GALNTL6: variants seen among roughly 807,000 people sequenced by gnomAD.
GALNTL6 encodes polypeptide N-acetylgalactosaminyltransferase-like 6.
Under a neutral mutation model 73.7 loss-of-function variants are expected in GALNTL6, and 46 were observed. The observed-to-expected ratio is 0.62, with a 90% CI of 0.49 to 0.80. The LOEUF (loss-of-function observed/expected upper bound fraction) is 0.80. Among genes scored for constraint, GALNTL6 ranks in the 30% least tolerant of loss-of-function variants. The pLI, the probability that GALNTL6 is intolerant of heterozygous loss-of-function variation, is 0.00. For missense variants in GALNTL6, 604 were observed against 755.0 expected, an observed-to-expected ratio of 0.80 and a Z score of 2.34; for synonymous variants, 259 against 263.7, an observed-to-expected ratio of 0.98 and a Z score of 0.17.
rs561278112 is a variant in GALNTL6 at position 172,854,025 on chromosome 4, C to G, written c.924-28765C>G. On this transcript the variant is annotated intron_variant, in intron 7 of 12. Transcript: ENST00000506823. Reference sequence around the variant, plus strand: ...CCAGGCATTCAAGATCCAATGTAATCTGGCCCAAATTTTCCTTCCTAGATG... The same window carrying G: ...CCAGGCATTCAAGATCCAATGTAATGTGGCCCAAATTTTCCTTCCTAGATG... 6.6e-5 allele frequency among the ~76,000 whole-genome samples: 10 copies of G among 152,286 alleles called. No homozygotes were observed. The South Asian group carries it at 2.1e-3, about 32-fold the overall frequency.
intron 7 of GALNTL6, among the ~76,000 whole-genome samples, chr4:172,881,441 G>A (rs1745444708): frequency 6.6e-6 from 1 of 152,094 alleles, no homozygotes; most frequent in Non-Finnish European, 1.5e-5. Flanking sequence ...CTCTTCATCT[G>A]CATAAAGCCT....
rs543217857 is a variant in GALNTL6, at chr4:172,749,518, G to T, written c.554-59843G>T. Among the ~76,000 whole-genome samples the T allele has an allele frequency of 2.7e-4, 41 of 151,846 alleles. 1 individual carries two copies. In the South Asian group the frequency reaches 8.3e-3, roughly 31 times the overall value. On this transcript the variant is annotated intron_variant, in intron 5 of 12. Coordinates refer to ENST00000506823, the MANE Select transcript of GALNTL6 (RefSeq NM_001034845.3). ...AATGTATTTCTGAGCATTCAATTTG[G>T]TTTTCACAATTCTACAAATGACACA...
At chr4:172,348,450 A>G (rs1467861415) in intron 4 of GALNTL6, 73 bp from the exon 5 acceptor site, 1 of 1,217,284 alleles carries the variant, frequency 8.2e-7, no homozygotes, top group Non-Finnish European at 1.2e-6. Flanking sequence ...TGATAACATA[A>G]TGAATAAACA....
rs571101402 is a variant in GALNTL6, at chr4:173,028,033, G to A, written c.1638+6408G>A. On this transcript the variant is annotated intron_variant, in intron 12 of 12. Coordinates refer to ENST00000506823, the MANE Select transcript of GALNTL6 (RefSeq NM_001034845.3). ...ACTAAGAAAAATCTTAAAAACTATAGAGGGATCCATCATGTTCAAGGATTA... is the reference window on the plus strand; with the variant it reads ...ACTAAGAAAAATCTTAAAAACTATAAAGGGATCCATCATGTTCAAGGATTA... 1.2e-4 allele frequency among the ~76,000 whole-genome samples: 18 copies of A among 152,252 alleles called. No individual in the cohort carries two copies. In the South Asian group the frequency reaches 3.7e-3, roughly 32 times the overall value.
chr4:172,164,620 T>G lies in GALNTL6; in HGVS notation c.139-65036T>G, dbSNP rs1579201949. On this transcript the variant is annotated intron_variant, in intron 2 of 12. Transcript: ENST00000506823. Reference sequence around the variant, plus strand: ...TTATTACTATACTAATAATAGATTTTTTCTCGTTTGATCCTCAGTCCCCTG... The same window carrying G: ...TTATTACTATACTAATAATAGATTTGTTCTCGTTTGATCCTCAGTCCCCTG... Among the ~76,000 whole-genome samples the G allele has an allele frequency of 2.0e-5, 3 of 152,144 alleles. No individual in the cohort carries two copies. In the East Asian group the frequency reaches 5.8e-4, roughly 29 times the overall value.
intron 5 of GALNTL6, chr4:172,667,243 A>C (rs1455333637): frequency 6.6e-6 from 1 of 152,072 alleles, no homozygotes; most frequent in African/African-American, 2.4e-5. Context: ...CCTCCCTTCT[A>C]CTGGCTCCAT....
intron 7 of GALNTL6, among the ~76,000 whole-genome samples, chr4:172,878,678 A>T (rs551547613): frequency 1.3e-5 from 2 of 151,838 alleles, no homozygotes; most frequent in Non-Finnish European, 3.0e-5. Context: ...AATTATGAAA[A>T]ATATTCGGTT....
chr4:173,033,020 A>C (rs1402437003), intron 12 of GALNTL6, among the ~76,000 whole-genome samples: 1 of 151,650 alleles, frequency 6.6e-6, no homozygotes, highest in Non-Finnish European at 1.5e-5. Context: ...TTTTTTTTTG[A>C]GACGGAGTCT....
rs528377476 is a variant in GALNTL6 at position 172,976,004 on chromosome 4, C to T, written c.1371+23746C>T. Among the ~76,000 whole-genome samples the T allele has an allele frequency of 1.9e-3, 286 of 152,142 alleles. 1 individual carries two copies. The highest frequency in any genetic ancestry group is 6.4e-3 in the African/African-American group (267 of 41,542). On this transcript the variant is annotated intron_variant, in intron 10 of 12. Transcript: ENST00000506823. ...AGCTGCGCCAGGGAGGTCGGAGCTC[C>T]GCCCGCTTAACTCGGAAGGGGGCGG...
rs151046727 is a variant in GALNTL6, at chr4:172,686,545, A to G, written c.554-122816A>G. Among the ~76,000 whole-genome samples, 516 of 152,374 alleles carry G rather than the reference A, an allele frequency of 3.4e-3. 2 individuals are homozygous for G. Among genetic ancestry groups the G allele is most frequent in the African/African-American group, 0.011 (473 of 41,592 alleles). ...ACTTATATGATTCTATTCATAAAAC[A>G]GTATGTACAAGCAAATTTCCATGCA... On this transcript the variant is annotated intron_variant, in intron 5 of 12. Coordinates refer to ENST00000506823, the MANE Select transcript of GALNTL6 (RefSeq NM_001034845.3).
At chr4:172,657,485 C>T (rs1298214023) in intron 5 of GALNTL6, among the ~76,000 whole-genome samples, 1 of 152,172 alleles carries the variant, frequency 6.6e-6, no homozygotes. Flanking sequence ...TTTTGAAAGG[C>T]ATAGTGAAAA....
intron 2 of GALNTL6, among the ~76,000 whole-genome samples, chr4:172,213,562 T>A (rs1359714103): frequency 1.3e-5 from 2 of 152,202 alleles, no homozygotes; most frequent in Non-Finnish European, 2.9e-5. Context: ...TTGTATATCT[T>A]CTTTGATGAG....
intron 2 of GALNTL6, among the ~76,000 whole-genome samples, chr4:171,852,472 A>G (rs1479637231): frequency 6.6e-6 from 1 of 151,862 alleles, no homozygotes; most frequent in Non-Finnish European, 1.5e-5. Flanking sequence ...ATAAAATACC[A>G]TTTGCTATTC....
At chr4:172,585,950 C>T (rs901682157) in intron 5 of GALNTL6, among the ~76,000 whole-genome samples, 2 of 152,000 alleles carry the variant, frequency 1.3e-5, no homozygotes, top group Admixed American at 6.5e-5. Context: ...CAAATCAAAA[C>T]GACAATGAGA....
chr4:172,571,556 A>G (rs1393301271), intron 5 of GALNTL6, among the ~76,000 whole-genome samples: 2 of 152,234 alleles, frequency 1.3e-5, no homozygotes, highest in Non-Finnish European at 2.9e-5. Flanking sequence ...TATCGAACGT[A>G]TCAGAGGAAT....
rs115430798 is a variant in GALNTL6, at chr4:172,051,014, A to C, written c.139-178642A>C. Reference sequence around the variant, plus strand: ...GGAATTTGTAACAAGGCACCTCATAAGTTTCCTCCTGAAACCTAAGGGTAG... The same window carrying C: ...GGAATTTGTAACAAGGCACCTCATACGTTTCCTCCTGAAACCTAAGGGTAG... On this transcript the variant is annotated intron_variant, in intron 2 of 12. Transcript: ENST00000506823. Among the ~76,000 whole-genome samples, 966 of 152,250 alleles carry C rather than the reference A, an allele frequency of 6.3e-3. 9 individuals carry two copies. Among genetic ancestry groups the C allele is most frequent in the African/African-American group, 0.022 (909 of 41,560 alleles).
chr4:172,579,704 G>A (rs1737097722), intron 5 of GALNTL6, among the ~76,000 whole-genome samples: 2 of 152,076 alleles, frequency 1.3e-5, no homozygotes, highest in African/African-American at 2.4e-5. Context: ...TCTAAAGCTA[G>A]AAATAGCAAG....
intron 5 of GALNTL6, among the ~76,000 whole-genome samples, chr4:172,441,369 G>A (rs761602219): frequency 1.3e-5 from 2 of 152,002 alleles, no homozygotes; most frequent in African/African-American, 4.8e-5. Flanking sequence ...CATGTTTCCA[G>A]ATTCACCTAT....
At chr4:172,207,068 T>C (rs190380837) in intron 2 of GALNTL6, among the ~76,000 whole-genome samples, 3,298 of 151,716 alleles carry the variant, frequency 0.022, 111 homozygotes, top group African/African-American at 0.072. Flanking sequence ...CCGCCCCCCT[T>C]GGCCTCCCAA....
Sources: gnomAD v4.1 joint callset for allele counts (sites outside exome capture counted in the v4.1 genomes callset) on GRCh38, gnomAD v4.1.1 for gene constraint, MANE v1.5 for transcripts, NCBI Gene and HGNC (gene_info 2026-07-23, HGNC 2026-07-21) for gene names.